Variants in GRID1 observed in about 807,000 individuals in gnomAD.
GRID1 encodes glutamate ionotropic receptor delta type subunit 1.
Under a neutral mutation model 98.0 loss-of-function variants are expected in GRID1, and 28 were observed. The ratio of observed to expected loss-of-function variants is 0.29; its 90% confidence interval spans 0.21 to 0.39. The LOEUF (loss-of-function observed/expected upper bound fraction) is 0.39. GRID1 is among the 10% of genes least tolerant of loss of function. GRID1 has a pLI of 1.00. For missense variants in GRID1, 1,111 were observed against 1,340.5 expected (o/e 0.83, Z 2.67); for synonymous variants, 553 against 538.5 (o/e 1.03, Z -0.37).
chr10:86,067,553 G>T (rs920679064), intron 4 of GRID1, among the ~76,000 whole-genome samples: 1 of 152,224 alleles, frequency 6.6e-6, no homozygotes, highest in Admixed American at 6.5e-5. Context: ...AAACTCTTGG[G>T]ATAAAAGGTT....
rs528102306 is a variant in GRID1 at position 85,655,402 on chromosome 10, G to C, written c.1998-8005C>G. 1.2e-4 allele frequency among the ~76,000 whole-genome samples: 18 copies of C among 152,284 alleles called. No homozygotes were observed. The South Asian group carries it at 3.1e-3, about 26-fold the overall frequency. ...CAACCTTGAGCTCCCCCAGGGAATG[G>C]ACTCTGTGTCCATCTCTGAATTTCT... On this transcript the variant is annotated intron_variant, in intron 12 of 15. Transcript: ENST00000327946.
At position 85,848,362 on chromosome 10, in the gene GRID1, T is replaced by C. The variant is rs148640420; in HGVS notation, c.1233+6134A>G. 3.2e-3 allele frequency among the ~76,000 whole-genome samples: 481 copies of C among 152,282 alleles called. 4 individuals carry two copies. Among genetic ancestry groups the C allele is most frequent in the African/African-American group, 0.011 (456 of 41,572 alleles). On this transcript the variant is annotated intron_variant, in intron 8 of 15. Coordinates refer to ENST00000327946, the MANE Select transcript of GRID1 (RefSeq NM_017551.3). ...TTAGATGTTTATGACAGCACTATTC[T>C]ATAATAATGTGGTGAAAATACCTAA...
chr10:85,999,286 G>C (rs12781224), intron 4 of GRID1, among the ~76,000 whole-genome samples: 3,429 of 146,176 alleles, frequency 0.023, 63 homozygotes, highest in Non-Finnish European at 0.034. Flanking sequence ...TCAATAACCT[G>C]AGTACTCCTA....
intron 5 of GRID1, among the ~76,000 whole-genome samples, chr10:85,877,831 G>C (rs966931208): frequency 5.9e-5 from 9 of 152,144 alleles, no homozygotes; most frequent in Non-Finnish European, 1.3e-4. Context: ...CCGAGCTATA[G>C]GAGGAAATTC....
chr10:85,797,588 C>T (rs1236982875), intron 8 of GRID1, among the ~76,000 whole-genome samples: 1 of 151,746 alleles, frequency 6.6e-6, no homozygotes, highest in Non-Finnish European at 1.5e-5. Context: ...TGCCACCACA[C>T]CCACTGGGGG....
chr10:86,145,547 TAC>T lies in GRID1; in HGVS notation c.521-6525_521-6524del, dbSNP rs201208047. 5.7e-3 allele frequency among the ~76,000 whole-genome samples: 823 copies of T among 144,876 alleles called. 4 individuals carry two copies. Among genetic ancestry groups the T allele is most frequent in the African/African-American group, 0.017 (649 of 38,850 alleles). On this transcript the variant is annotated intron_variant, in intron 3 of 15. Transcript: ENST00000327946. ...TGCCCACTCCTGGACATCCTCCACA[TAC>T]ACACACACACACACACACACACCCT...
chr10:85,759,252 C>A (rs1314650325), intron 8 of GRID1, among the ~76,000 whole-genome samples: 4 of 152,182 alleles, frequency 2.6e-5, no homozygotes, highest in Admixed American at 6.5e-5. Flanking sequence ...CCTCTCCCTG[C>A]AACCCTGGTG....
chr10:86,284,021 T>G (rs1232914897), intron 2 of GRID1, among the ~76,000 whole-genome samples: 3 of 140,782 alleles, frequency 2.1e-5, no homozygotes, highest in Non-Finnish European at 4.6e-5. Context: ...CACATACACC[T>G]GCATATATAC....
intron 12 of GRID1, among the ~76,000 whole-genome samples, chr10:85,675,035 G>C (rs1339033323): frequency 1.4e-4 from 22 of 152,170 alleles, no homozygotes; most frequent in Non-Finnish European, 3.2e-4. Flanking sequence ...TTTTGGAGAA[G>C]ATAAGAGACC....
intron 3 of GRID1, among the ~76,000 whole-genome samples, chr10:86,144,847 A>G (rs1845062452): frequency 6.6e-6 from 1 of 152,134 alleles, no homozygotes; most frequent in Non-Finnish European, 1.5e-5. Flanking sequence ...GTGCTAAGGA[A>G]GCCCACATCC....
At chr10:85,769,098 A>T (rs1842227542) in intron 8 of GRID1, among the ~76,000 whole-genome samples, 1 of 152,252 alleles carries the variant, frequency 6.6e-6, no homozygotes, top group South Asian at 2.1e-4. Context: ...TAAAAAAAAG[A>T]ATCAAGAAGT....
chr10:86,081,769 G>A (rs562897003), intron 4 of GRID1, among the ~76,000 whole-genome samples: 1 of 152,280 alleles, frequency 6.6e-6, no homozygotes, highest in South Asian at 2.1e-4. Context: ...AATCTGAAAA[G>A]GCGACATACT....
chr10:85,635,035 A>AAAAAAAAT (rs1843020829), intron 13 of GRID1, among the ~76,000 whole-genome samples: 1 of 117,546 alleles, frequency 8.5e-6, no homozygotes, highest in African/African-American at 3.2e-5. Flanking sequence ...AAAAAAAAAA[A>AAAAAAAAT]TCAGATTTAA....
At chr10:85,743,124 A>G (rs1841963623) in intron 8 of GRID1, among the ~76,000 whole-genome samples, 1 of 33,378 alleles carries the variant, frequency 3.0e-5, no homozygotes, top group Admixed American at 5.1e-4. Context: ...CCCACCACCC[A>G]TTGAGAACCA....
intron 3 of GRID1, among the ~76,000 whole-genome samples, chr10:86,139,308 T>C (rs1041566181): frequency 1.3e-5 from 2 of 152,264 alleles, no homozygotes; most frequent in Admixed American, 1.3e-4. Flanking sequence ...CAAGCTCTCT[T>C]TCTTTCCCTA....
chr10:86,261,051 A>G (rs989880889), intron 2 of GRID1, among the ~76,000 whole-genome samples: 3 of 152,212 alleles, frequency 2.0e-5, no homozygotes, highest in Admixed American at 1.3e-4. Flanking sequence ...CTCTGTGCCC[A>G]CTCCACAGGG....
intron 5 of GRID1, among the ~76,000 whole-genome samples, chr10:85,883,532 C>CTG (rs1841068094): frequency 2.4e-5 from 3 of 127,064 alleles, no homozygotes; most frequent in Non-Finnish European, 3.8e-5. Context: ...CTCTCTCTGT[C>CTG]TCTCTCTCTC....
At chr10:86,083,238 T>C (rs1490122910) in intron 4 of GRID1, among the ~76,000 whole-genome samples, 1 of 152,222 alleles carries the variant, frequency 6.6e-6, no homozygotes, top group African/African-American at 2.4e-5. Context: ...TATTGGGAGA[T>C]GCCCTTTCTT....
intron 2 of GRID1, among the ~76,000 whole-genome samples, chr10:86,209,133 A>G (rs890890933): frequency 2.0e-5 from 3 of 152,238 alleles, no homozygotes; most frequent in African/African-American, 7.2e-5. Context: ...TGAAAGAAAA[A>G]CCAGAAGGAA....
Sources: gnomAD v4.1 joint callset for allele counts (sites outside exome capture counted in the v4.1 genomes callset) on GRCh38, gnomAD v4.1.1 for gene constraint, MANE v1.5 for transcripts, NCBI Gene and HGNC (gene_info 2026-07-23, HGNC 2026-07-21) for gene names.